Variants in SLC35F4 observed in about 807,000 individuals in gnomAD.
The protein encoded by SLC35F4 is chromosome 14 open reading frame 36.
SLC35F4 carries 24 observed loss-of-function variants against 44.2 expected under a neutral mutation model. The ratio of observed to expected loss-of-function variants is 0.54; its 90% CI spans 0.39 to 0.76. The LOEUF (loss-of-function observed/expected upper bound fraction) is 0.76, where lower values mean the gene tolerates loss of function less well. Among genes scored for constraint, SLC35F4 ranks in the 30% least tolerant of loss-of-function variants. SLC35F4 has a pLI of 0.00. For synonymous variants in SLC35F4, 238 were observed against 223.6 expected (o/e 1.06, Z -0.57); for missense variants, 562 against 586.1 (o/e 0.96, Z 0.42).
chr14:57,851,368 G>A (rs1566904496), intron 1 of SLC35F4, among the ~76,000 whole-genome samples: 2 of 152,154 alleles, frequency 1.3e-5, no homozygotes, highest in South Asian at 4.1e-4. Flanking sequence ...GCATGAAAAT[G>A]TTTGGTGTAT....
intron 1 of SLC35F4, among the ~76,000 whole-genome samples, chr14:57,770,879 C>T (rs539173436): frequency 2.0e-4 from 31 of 152,152 alleles, no homozygotes; most frequent in Non-Finnish European, 3.7e-4. Context: ...GGATTTATAC[C>T]CAAAACCCTA....
At chr14:57,946,133 G>T (rs73304477) in intron 1 of SLC35F4, among the ~76,000 whole-genome samples, 15,009 of 152,016 alleles carry the variant, frequency 0.099, 1,324 homozygotes, top group African/African-American at 0.23. Context: ...GTTTAATAAG[G>T]TTCCATCTAT....
intron 1 of SLC35F4, among the ~76,000 whole-genome samples, chr14:57,958,202 C>A (rs773722778): frequency 6.6e-6 from 1 of 152,028 alleles, no homozygotes; most frequent in South Asian, 2.1e-4. Context: ...GGACTACAGG[C>A]GCCCGCCACC....
chr14:57,769,389 G>GA (rs1315766464), intron 1 of SLC35F4, among the ~76,000 whole-genome samples: 3 of 151,856 alleles, frequency 2.0e-5, no homozygotes, highest in East Asian at 3.9e-4. Context: ...TTTATTCTCT[G>GA]AAAAAAAGAC....
At chr14:57,704,799 G>C (rs562386277) in intron 1 of SLC35F4, among the ~76,000 whole-genome samples, 284 of 152,256 alleles carry the variant, frequency 1.9e-3, no homozygotes, top group African/African-American at 6.7e-3. Flanking sequence ...ATTTACTGTT[G>C]ATGTTATGTG....
chr14:57,642,913 T>C (rs961160756), intron 1 of SLC35F4, among the ~76,000 whole-genome samples: 6 of 151,984 alleles, frequency 3.9e-5, no homozygotes, highest in Non-Finnish European at 8.8e-5. Context: ...TTGGCATATC[T>C]TTAGATTGGA....
intron 1 of SLC35F4, among the ~76,000 whole-genome samples, chr14:57,826,950 T>G (rs1883839401): frequency 6.6e-6 from 1 of 152,144 alleles, no homozygotes; most frequent in South Asian, 2.1e-4. Flanking sequence ...GACAGTGTGG[T>G]AATTCCTCAA....
At chr14:57,671,427 G>A (rs758627469) in intron 1 of SLC35F4, among the ~76,000 whole-genome samples, 23 of 151,926 alleles carry the variant, frequency 1.5e-4, no homozygotes, top group Admixed American at 3.3e-4. Context: ...CCAGAGTTGT[G>A]AGGCCCCTGT....
intron 1 of SLC35F4, among the ~76,000 whole-genome samples, chr14:57,967,328 T>C (rs774980115): frequency 3.3e-5 from 5 of 152,224 alleles, no homozygotes; most frequent in Non-Finnish European, 7.3e-5. Flanking sequence ...TCCCAATTAA[T>C]CCAGTCCCTC....
chr14:57,856,848 T>C (rs1178921609), intron 1 of SLC35F4, among the ~76,000 whole-genome samples: 3 of 152,122 alleles, frequency 2.0e-5, no homozygotes. Flanking sequence ...CCAGTGAAAG[T>C]GCATAAGAGT....
At chr14:57,934,163 C>T (rs1008623616) in intron 1 of SLC35F4, among the ~76,000 whole-genome samples, 2 of 151,576 alleles carry the variant, frequency 1.3e-5, no homozygotes, top group African/African-American at 2.4e-5. Flanking sequence ...CTAATCTTCA[C>T]GGAAAATTCC....
chr14:57,646,472 C>T (rs1443012964), intron 1 of SLC35F4, among the ~76,000 whole-genome samples: 2 of 151,848 alleles, frequency 1.3e-5, no homozygotes, highest in African/African-American at 4.8e-5. Flanking sequence ...TGGTGATATC[C>T]CCTTTGTCAT....
At chr14:57,606,186 A>T (rs2071154591) in intron 1 of SLC35F4, among the ~76,000 whole-genome samples, 1 of 152,234 alleles carries the variant, frequency 6.6e-6, no homozygotes, top group African/African-American at 2.4e-5. Flanking sequence ...GCCTGATATA[A>T]GTCTATAGTT....
chr14:57,672,366 T>C (rs2140276142), intron 1 of SLC35F4, among the ~76,000 whole-genome samples: 1 of 152,190 alleles, frequency 6.6e-6, no homozygotes, highest in African/African-American at 2.4e-5. Flanking sequence ...TCAAGAATTA[T>C]AACAACTGAT....
chr14:57,935,145 G>C (rs1338284472), intron 1 of SLC35F4, among the ~76,000 whole-genome samples: 1 of 152,174 alleles, frequency 6.6e-6, no homozygotes, highest in Non-Finnish European at 1.5e-5. Flanking sequence ...GGGTGGTAGA[G>C]GAAGAGAGAA....
intron 1 of SLC35F4, among the ~76,000 whole-genome samples, chr14:57,896,394 G>A (rs1293501451): frequency 6.6e-6 from 1 of 152,142 alleles, no homozygotes; most frequent in South Asian, 2.1e-4. Flanking sequence ...TCAAGAACAA[G>A]CAAAACTAAT....
intron 3 of SLC35F4, among the ~76,000 whole-genome samples, chr14:57,583,551 C>A (rs1358692353): frequency 6.6e-6 from 1 of 152,132 alleles, no homozygotes; most frequent in African/African-American, 2.4e-5. Flanking sequence ...CAGGGAAGAC[C>A]AACAGATGTG....
chr14:57,600,955 G>A (rs1010646148), intron 1 of SLC35F4, among the ~76,000 whole-genome samples: 45 of 151,880 alleles, frequency 3.0e-4, no homozygotes, highest in African/African-American at 1.0e-3. Context: ...GGTTCAGCTT[G>A]GTGGATAGTC....
intron 1 of SLC35F4, among the ~76,000 whole-genome samples, chr14:57,945,485 GTGTGTGTA>G (rs1301677375): frequency 1.4e-5 from 2 of 142,832 alleles, no homozygotes; most frequent in Non-Finnish European, 3.1e-5. Flanking sequence ...GTGTGTGTGT[GTGTGTGTA>G]TCACATTTTC....
Sources: gnomAD v4.1 joint callset for allele counts (sites outside exome capture counted in the v4.1 genomes callset) on GRCh38, gnomAD v4.1.1 for gene constraint, MANE v1.5 for transcripts, NCBI Gene and HGNC (gene_info 2026-07-23, HGNC 2026-07-21) for gene names.